The following CLCN3 variants were observed in gnomAD, a reference collection of about 807,000 sequenced individuals.
The protein encoded by CLCN3 is Cl-/H+ antiporter 3.
In CLCN3, 16 loss-of-function variants were observed where a neutral mutation model predicts 83.4. That is an observed-to-expected ratio of 0.19 (90% confidence interval 0.13 to 0.29). CLCN3 has a LOEUF of 0.29. CLCN3 is among the 10% of genes least tolerant of loss of function. The probability of loss-of-function intolerance (pLI) is 1.00; values close to 1 mark genes in which losing one functional copy is unlikely to be tolerated. For missense variants in CLCN3, 544 were observed against 1,006.0 expected, an observed-to-expected ratio of 0.54 and a Z score of 6.21; for synonymous variants, 322 against 346.2, an observed-to-expected ratio of 0.93 and a Z score of 0.78.
intron 2 of CLCN3, among the ~76,000 whole-genome samples, chr4:169,676,885 G>A (rs1731702367): frequency 6.6e-6 from 1 of 151,982 alleles, no homozygotes; most frequent in African/African-American, 2.4e-5. Context: ...GGTGTTAAGT[G>A]TATCTAACAT....
intron 1 of CLCN3, among the ~76,000 whole-genome samples, chr4:169,623,456 A>G (rs1773155987): frequency 6.6e-6 from 1 of 152,194 alleles, no homozygotes; most frequent in African/African-American, 2.4e-5. Flanking sequence ...TATTTTGTAG[A>G]AAGGTTAAAT....
chr4:169,707,556 A>G (rs1162860543), intron 11 of CLCN3, among the ~76,000 whole-genome samples: 1 of 152,204 alleles, frequency 6.6e-6, no homozygotes, highest in Non-Finnish European at 1.5e-5. Flanking sequence ...GATCTTGGTT[A>G]TTCAAAACAG....
chr4:169,675,253 G>A (rs940863360), intron 2 of CLCN3, among the ~76,000 whole-genome samples: 1 of 152,136 alleles, frequency 6.6e-6, no homozygotes, highest in Non-Finnish European at 1.5e-5. Flanking sequence ...TATTGGCATC[G>A]TGGTTCTTTG....
Position 169,656,824 on chromosome 4 carries a change from C to T in CLCN3, c.160+20736C>T, listed in dbSNP as rs1581213127. 2.0e-5 allele frequency among the ~76,000 whole-genome samples: 3 copies of T among 152,210 alleles called. No homozygotes were observed. In the South Asian group the frequency reaches 6.2e-4, roughly 32 times the overall value. On this transcript the variant is annotated intron_variant, in intron 2 of 12. Coordinates refer to ENST00000513761, the MANE Select transcript of CLCN3 (RefSeq NM_001829.4). ...GCATGGTGGCACACACGTGTGTATTCCCTGCTATTGGGGAGGCTGAGGTGA... is the reference window on the plus strand; with the variant it reads ...GCATGGTGGCACACACGTGTGTATTTCCTGCTATTGGGGAGGCTGAGGTGA...
At chr4:169,716,668 A>G (rs1043753825) in intron 12 of CLCN3, among the ~76,000 whole-genome samples, 17 of 152,178 alleles carry the variant, frequency 1.1e-4, no homozygotes, top group African/African-American at 4.1e-4. Flanking sequence ...TATTTTTAAC[A>G]TAATAATGAG....
chr4:169,698,558 T>C (rs1732656962), intron 9 of CLCN3, among the ~76,000 whole-genome samples: 1 of 152,184 alleles, frequency 6.6e-6, no homozygotes, highest in African/African-American at 2.4e-5. Context: ...CTTGTTTTAT[T>C]CTATTCATTG....
In CLCN3 at chr4:169,665,983, T is replaced by G. The variant is rs1581223594; in HGVS notation, c.161-14067T>G. ...GCGCAGCAATTAAGGTTGTGTTGTT[T>G]TTTTTTTTTTAAGTTCAGTTCAGCA... On this transcript the variant is annotated intron_variant, in intron 2 of 12. Transcript: ENST00000513761. Among the ~76,000 whole-genome samples, 5 of 151,760 alleles carry G rather than the reference T, an allele frequency of 3.3e-5. No homozygotes were observed. In the South Asian group the frequency reaches 1.0e-3, roughly 32 times the overall value.
intron 2 of CLCN3, chr4:169,660,231 A>G (rs774457969): frequency 8.2e-7 from 1 of 1,213,594 alleles, no homozygotes. Context: ...TGCTTCAGCG[A>G]GTCGAACTAC....
At chr4:169,634,830 AG>A (rs1248373307) in intron 1 of CLCN3, among the ~76,000 whole-genome samples, 1 of 152,170 alleles carries the variant, frequency 6.6e-6, no homozygotes, top group Non-Finnish European at 1.5e-5. Context: ...CATGCTCTCA[AG>A]GAGCTCTCAA....
chr4:169,668,142 T>A (rs1289852383), intron 2 of CLCN3, among the ~76,000 whole-genome samples: 3 of 145,846 alleles, frequency 2.1e-5, no homozygotes, highest in African/African-American at 5.1e-5. Flanking sequence ...TAATGCAACA[T>A]GCTGAATTGT....
At chr4:169,688,464 TA>T (rs1347312038) in intron 4 of CLCN3, among the ~76,000 whole-genome samples, 12 of 152,212 alleles carry the variant, frequency 7.9e-5, no homozygotes, top group African/African-American at 2.9e-4. Context: ...GAGAATAAAG[TA>T]CTGATAATTC....
At chr4:169,649,913 G>A (rs1215251320) in intron 2 of CLCN3, among the ~76,000 whole-genome samples, 2 of 152,052 alleles carry the variant, frequency 1.3e-5, no homozygotes, top group Non-Finnish European at 2.9e-5. Context: ...GCAAGGCCTT[G>A]TCTCTACAAA....
intron 1 of CLCN3, among the ~76,000 whole-genome samples, chr4:169,623,358 G>T (rs974201054): frequency 6.6e-6 from 1 of 151,968 alleles, no homozygotes; most frequent in African/African-American, 2.4e-5. Context: ...AGGAATTTGG[G>T]TTTTTTTGTC....
At chr4:169,692,689 G>A (rs1364623954) in intron 7 of CLCN3, among the ~76,000 whole-genome samples, 2 of 152,152 alleles carry the variant, frequency 1.3e-5, no homozygotes, top group Non-Finnish European at 2.9e-5. Context: ...AATCTTAATA[G>A]CTATGTTTTC....
At chr4:169,677,334 A>G (rs1007250507) in intron 2 of CLCN3, among the ~76,000 whole-genome samples, 9 of 152,064 alleles carry the variant, frequency 5.9e-5, no homozygotes, top group African/African-American at 2.2e-4. Context: ...CCTGCCCTTC[A>G]CCTGTTTTGT....
rs117382577 is a variant in CLCN3, at chr4:169,632,409, C to T, written c.-16-3504C>T. Among the ~76,000 whole-genome samples the T allele has an allele frequency of 1.7e-3, 265 of 152,150 alleles. 7 individuals are homozygous for T. The East Asian group carries it at 0.041, about 24-fold the overall frequency. On this transcript the variant is annotated intron_variant, in intron 1 of 12. Transcript: ENST00000513761. The stretch of plus-strand genomic sequence containing the variant: ...GGAAATCAAAACCACAGTGAGACAC[C>T]ATCTCACGCCAGTCAGAATGGCTAT...
chr4:169,688,249 C>T (rs1560859461), intron 4 of CLCN3, among the ~76,000 whole-genome samples: 1 of 152,102 alleles, frequency 6.6e-6, no homozygotes, highest in African/African-American at 2.4e-5. Context: ...ATGGCTAAAC[C>T]AGGATTTGAA....
chr4:169,720,460 T>C lies in CLCN3; in HGVS notation c.*463T>C, dbSNP rs1733593491. 2 of 159,814 alleles carry C rather than the reference T, an allele frequency of 1.3e-5. No individual in the cohort carries two copies. The highest frequency in any genetic ancestry group is 2.7e-5 in the Non-Finnish European group (2 of 73,100). The allele number at this position is 159,814 out of a possible 1,614,324, so 9.9% of individuals were successfully genotyped here. ...TCTTGCCCTTTTTTTTAATCAAAAC[T>C]GTTCTGTTTAATTCATGAATTGTAT... is the stretch of plus-strand genomic sequence containing the variant. On this transcript the variant is annotated 3_prime_UTR_variant, in exon 13 of 13. Transcript: ENST00000513761.
At chr4:169,715,607 A>C (rs1232824319) in intron 12 of CLCN3, among the ~76,000 whole-genome samples, 1 of 152,108 alleles carries the variant, frequency 6.6e-6, no homozygotes, top group Non-Finnish European at 1.5e-5. Context: ...TTCATACTGC[A>C]TTTTTAGAAG....
Sources: allele counts gnomAD v4.1 joint callset (sites outside exome capture counted in the v4.1 genomes callset), GRCh38; gene constraint gnomAD v4.1.1; transcripts MANE v1.5; gene names NCBI Gene and HGNC (gene_info 2026-07-23, HGNC 2026-07-21).